Variants in EHD4 observed in about 807,000 individuals in gnomAD.
The protein encoded by EHD4 is EH domain-containing protein 4.
EHD4 carries 37 observed loss-of-function variants against 51.0 expected under a neutral mutation model. The ratio of observed to expected loss-of-function variants is 0.73; its 90% CI spans 0.56 to 0.95. The LOEUF is 0.95. EHD4 is among the 40% of genes least tolerant of loss of function. The pLI is 0.00. For synonymous variants in EHD4, 297 were observed against 317.3 expected (o/e 0.94, Z 0.68); for missense variants, 632 against 733.1 (o/e 0.86, Z 1.59).
chr15:41,956,516 G>A (rs36018108), intron 1 of EHD4, among the ~76,000 whole-genome samples: 24,936 of 152,216 alleles, frequency 0.16, 2,579 homozygotes, highest in East Asian at 0.27. Context: ...TGAAATAACA[G>A]GGGTTTCAAG....
At chr15:41,957,151 G>A (rs2067893439) in intron 1 of EHD4, among the ~76,000 whole-genome samples, 1 of 152,138 alleles carries the variant, frequency 6.6e-6, no homozygotes, top group South Asian at 2.1e-4. Flanking sequence ...GCAACATGGA[G>A]AAACCCCGTC....
intron 3 of EHD4, among the ~76,000 whole-genome samples, chr15:41,925,679 T>G (rs1444529369): frequency 2.6e-5 from 4 of 152,240 alleles, no homozygotes; most frequent in African/African-American, 4.8e-5. Flanking sequence ...AAAATATAGT[T>G]TCTTTCTTTG....
chr15:41,900,770 C>T lies in EHD4; in HGVS notation c.1501G>A (p.Glu501Lys), dbSNP rs2067471490. ...ADCDCDGMLD[E>K]EEFALAKHLI... ...TGCTTGGCCAGCGCGAACTCCTCCT[C>T]ATCAAGCATGCCGTCGCAGTCGCAG... is the stretch of plus-strand genomic sequence containing the variant. The change falls in exon 6 of 6, where the codon GAG (glutamate) becomes AAG (lysine). Residue 501 changes from glutamate (E) to lysine (K), a missense_variant. By Grantham distance (56) the Glu-to-Lys change is moderately conservative. Transcript: ENST00000220325. This position sits in a 1 kb window ranked among gnomAD's most constrained non-coding sequence, Gnocchi z 4.8. The T allele has an allele frequency of 1.2e-6, 2 of 1,614,134 alleles. No homozygotes were observed. Among genetic ancestry groups the T allele is most frequent in the Non-Finnish European group, 8.5e-7 (1 of 1,180,040 alleles).
At chr15:41,903,292 A>C (rs1457148224) in intron 5 of EHD4, among the ~76,000 whole-genome samples, 1 of 144,400 alleles carries the variant, frequency 6.9e-6, no homozygotes, top group Non-Finnish European at 1.5e-5. Flanking sequence ...AAAAAAAAAA[A>C]AAAACTTGGT....
chr15:41,943,908 G>T (rs12909773), intron 2 of EHD4, among the ~76,000 whole-genome samples: 19,670 of 152,250 alleles, frequency 0.13, 1,550 homozygotes, highest in Middle Eastern at 0.18. Flanking sequence ...AGGAGTCTAG[G>T]GGAGCTGGAG....
intron 4 of EHD4, among the ~76,000 whole-genome samples, chr15:41,914,930 C>T (rs1005302811): frequency 3.9e-5 from 6 of 151,942 alleles, no homozygotes; most frequent in Non-Finnish European, 5.9e-5. Context: ...GGATTACAGG[C>T]GCCCACCTCC....
intron 5 of EHD4, among the ~76,000 whole-genome samples, chr15:41,904,278 T>C (rs905579673): frequency 3.3e-5 from 5 of 152,128 alleles, no homozygotes; most frequent in African/African-American, 1.2e-4. Context: ...GGCCGCATAT[T>C]TGCAGGGGTG....
intron 3 of EHD4, among the ~76,000 whole-genome samples, chr15:41,924,574 C>T (rs913502396): frequency 1.3e-5 from 2 of 152,258 alleles, no homozygotes; most frequent in South Asian, 2.1e-4. Flanking sequence ...CAGTGCCTGG[C>T]ATACAGGGGG....
chr15:41,909,562 T>C, intron 5 of EHD4, 137 bp downstream of exon 5: 1 of 1,036,138 alleles, frequency 9.7e-7, no homozygotes, highest in Non-Finnish European at 1.4e-6. Context: ...TAGCCTATTA[T>C]CATGGATCAC....
At chr15:41,968,211 CTGCACCCT>C (rs1476430649) in intron 1 of EHD4, among the ~76,000 whole-genome samples, 3 of 152,198 alleles carry the variant, frequency 2.0e-5, no homozygotes, top group Non-Finnish European at 4.4e-5. Flanking sequence ...TAAACCTTGT[CTGCACCCT>C]TGCACATGCA....
intron 3 of EHD4, among the ~76,000 whole-genome samples, chr15:41,929,216 G>T (rs2140993083): frequency 6.6e-6 from 1 of 152,336 alleles, no homozygotes; most frequent in East Asian, 1.9e-4. Context: ...CTTCCTTTGG[G>T]ATTTTGTCCA....
At chr15:41,940,746 T>C (rs1382870848) in intron 3 of EHD4, among the ~76,000 whole-genome samples, 3 of 152,220 alleles carry the variant, frequency 2.0e-5, no homozygotes, top group Non-Finnish European at 4.4e-5. Flanking sequence ...TACAAAGAAC[T>C]GATCTTCAAA....
intron 2 of EHD4, among the ~76,000 whole-genome samples, chr15:41,950,171 C>T (rs375306506): frequency 3.3e-5 from 5 of 152,216 alleles, no homozygotes; most frequent in African/African-American, 9.7e-5. Context: ...CTTCATTTCT[C>T]AGAAATGCAC....
At chr15:41,942,868 C>A in intron 3 of EHD4, 199 bp downstream of exon 3, 1 of 511,048 alleles carries the variant, frequency 2.0e-6, no homozygotes, top group South Asian at 2.3e-5. Flanking sequence ...TGACAAATGT[C>A]TTTCTCACAG....
chr15:41,937,858 A>G (rs1197718718), intron 3 of EHD4, among the ~76,000 whole-genome samples: 2 of 152,054 alleles, frequency 1.3e-5, no homozygotes, highest in Non-Finnish European at 2.9e-5. Flanking sequence ...TTCTTTTGAG[A>G]TATGGGTTGA....
chr15:41,931,954 T>G (rs1251666414), intron 3 of EHD4, among the ~76,000 whole-genome samples: 1 of 151,954 alleles, frequency 6.6e-6, no homozygotes, highest in African/African-American at 2.4e-5. Context: ...GGATTACAGG[T>G]GTGAGCCGCC....
intron 5 of EHD4, among the ~76,000 whole-genome samples, chr15:41,908,026 C>A (rs564110577): frequency 6.6e-6 from 1 of 151,870 alleles, no homozygotes; most frequent in East Asian, 1.9e-4. Context: ...CCACCACACC[C>A]GGCTAATTTT....
chr15:41,928,500 A>C (rs1208783519), intron 3 of EHD4: 1 of 152,246 alleles, frequency 6.6e-6, no homozygotes, highest in Non-Finnish European at 1.5e-5. Context: ...GGATGGTAGA[A>C]TCAGAGGTGA....
chr15:41,965,180 G>A (rs996791441), intron 1 of EHD4, among the ~76,000 whole-genome samples: 8 of 152,182 alleles, frequency 5.3e-5, no homozygotes, highest in Admixed American at 2.0e-4. Flanking sequence ...GCAACATTAT[G>A]TATAACAGCA....
Sources: allele counts gnomAD v4.1 joint callset (sites outside exome capture counted in the v4.1 genomes callset), GRCh38; gene constraint gnomAD v4.1.1; non-coding constraint Gnocchi (gnomAD v3.1); transcripts MANE v1.5; gene names NCBI Gene and HGNC (gene_info 2026-07-23, HGNC 2026-07-21).